The following TSEN2 variants were observed in gnomAD, a reference collection of about 807,000 sequenced individuals.
TSEN2 encodes the protein tRNA-splicing endonuclease subunit Sen2.
Under a neutral mutation model 59.2 loss-of-function variants are expected in TSEN2, and 54 were observed. That is an observed-to-expected ratio of 0.91 (90% CI 0.73 to 1.14). The LOEUF (loss-of-function observed/expected upper bound fraction) is 1.14. Among genes scored for constraint, TSEN2 ranks in the 50% most tolerant of loss-of-function variants. The probability of loss-of-function intolerance (pLI) is 0.00; values close to 1 mark genes in which losing one functional copy is unlikely to be tolerated. For synonymous variants in TSEN2, 195 were observed against 198.2 expected (o/e 0.98, Z 0.14); for missense variants, 636 against 576.2 (o/e 1.10, Z -1.06).
chr3:12,513,257 A>G (rs1030436769), intron 6 of TSEN2, among the ~76,000 whole-genome samples: 1 of 152,222 alleles, frequency 6.6e-6, no homozygotes, highest in Admixed American at 6.5e-5. Context: ...GCAGATATCA[A>G]GAAAGAATCT....
At position 12,503,640 on chromosome 3, in the gene TSEN2, C is replaced by T. The variant is rs746035594; in HGVS notation, c.687C>T (p.Ile229=). 15 of 1,598,812 alleles carry T rather than the reference C, an allele frequency of 9.4e-6. No individual in the cohort carries two copies. Among genetic ancestry groups the T allele is most frequent in the African/African-American group, 4.0e-5 (3 of 74,558 alleles). Residue 229 remains isoleucine, a synonymous_variant, in exon 5 of 12, where the codon ATC becomes ATT. Transcript: ENST00000284995. ...HVCCCKQDAL[I]LQRGLHHEDG... Reference sequence around the variant, plus strand: ...GTTGCTGCAAACAAGATGCTCTCATCCTCCAGCGTGGCCTTCATCATGAAG... The same window carrying T: ...GTTGCTGCAAACAAGATGCTCTCATTCTCCAGCGTGGCCTTCATCATGAAG...
chr3:12,505,363 C>T (rs2054701120), intron 6 of TSEN2, 132 bp downstream of exon 6: 5 of 699,874 alleles, frequency 7.1e-6, no homozygotes, highest in Admixed American at 4.2e-5. Flanking sequence ...ATTGAAATCA[C>T]TATGGGTAGC....
At chr3:12,518,434 G>C (rs1261673771) in intron 7 of TSEN2, among the ~76,000 whole-genome samples, 1 of 152,108 alleles carries the variant, frequency 6.6e-6, no homozygotes, top group Non-Finnish European at 1.5e-5. Flanking sequence ...CCTCTGCCTG[G>C]AATGTCCTTC....
chr3:12,483,130 C>T (rs563513008), upstream of TSEN2, among the ~76,000 whole-genome samples: 1 of 152,292 alleles, frequency 6.6e-6, no homozygotes, highest in Non-Finnish European at 1.5e-5. Flanking sequence ...AATCCCAGCA[C>T]TTTGGGAGGC....
chr3:12,504,458 C>T (rs1165433402), intron 5 of TSEN2, among the ~76,000 whole-genome samples: 2 of 151,908 alleles, frequency 1.3e-5, no homozygotes, highest in African/African-American at 2.4e-5. Flanking sequence ...TGGTACATGC[C>T]AGTAGTCCCA....
chr3:12,527,357 A>T (rs1158791052), intron 8 of TSEN2, among the ~76,000 whole-genome samples: 1 of 152,330 alleles, frequency 6.6e-6, no homozygotes, highest in East Asian at 1.9e-4. Flanking sequence ...GCCAAAAAGA[A>T]ACATGATTAG....
chr3:12,527,456 CTTT>C (rs757613935), intron 8 of TSEN2, among the ~76,000 whole-genome samples: 1 of 132,088 alleles, frequency 7.6e-6, no homozygotes, highest in Non-Finnish European at 1.6e-5. Context: ...TTTTTTTTTT[CTTT>C]TTTTTTTTTT....
chr3:12,504,093 T>A (rs1453391333), intron 5 of TSEN2, among the ~76,000 whole-genome samples: 1 of 152,150 alleles, frequency 6.6e-6, no homozygotes, highest in Admixed American at 6.5e-5. Flanking sequence ...GGCTCACGTG[T>A]GGAAGTCAGC....
chr3:12,524,297 T>C (rs796169), intron 8 of TSEN2, among the ~76,000 whole-genome samples: 83,564 of 152,066 alleles, frequency 0.55, 24,803 homozygotes, highest in African/African-American at 0.77. Context: ...TCCTAGGGCT[T>C]ATAAGAAATT....
At chr3:12,536,509 CTT>C (rs1348523660), downstream of TSEN2, among the ~76,000 whole-genome samples, 1 of 152,070 alleles carries the variant, frequency 6.6e-6, no homozygotes, top group Non-Finnish European at 1.5e-5. Context: ...TGGGAAGAAA[CTT>C]GGGATTTCAT....
chr3:12,508,175 C>G (rs1178318548), intron 6 of TSEN2, among the ~76,000 whole-genome samples: 1 of 152,164 alleles, frequency 6.6e-6, no homozygotes, highest in Non-Finnish European at 1.5e-5. Context: ...GCTGGGAGTT[C>G]AGCTGCACTG....
intron 8 of TSEN2, among the ~76,000 whole-genome samples, chr3:12,527,891 T>A (rs886414387): frequency 2.0e-5 from 3 of 152,142 alleles, no homozygotes; most frequent in Non-Finnish European, 4.4e-5. Flanking sequence ...GGTGAACAGT[T>A]AGCCAGTCCC....
At chr3:12,495,787 G>A (rs1171116338) in intron 3 of TSEN2, among the ~76,000 whole-genome samples, 1 of 152,274 alleles carries the variant, frequency 6.6e-6, no homozygotes, top group East Asian at 1.9e-4. Context: ...GAAGTAATTA[G>A]CCCAAAGGCA....
chr3:12,485,442 CAG>C (rs1182522465), intron 1 of TSEN2, among the ~76,000 whole-genome samples: 1 of 152,108 alleles, frequency 6.6e-6, no homozygotes, highest in East Asian at 1.9e-4. Context: ...AAAGATTTCT[CAG>C]GGGTGCGCCC....
intron 6 of TSEN2, among the ~76,000 whole-genome samples, chr3:12,512,724 CA>C (rs1266030868): frequency 6.6e-6 from 1 of 152,246 alleles, no homozygotes. Context: ...TGCTTTTAGC[CA>C]GTGACATTTT....
At chr3:12,531,293 T>C (rs2057443057) in intron 10 of TSEN2, 4 of 388,804 alleles carry the variant, frequency 1.0e-5, no homozygotes, top group Non-Finnish European at 1.9e-5. Context: ...CAAGGACATT[T>C]GAGGACTTAC....
At chr3:12,503,191 T>G in intron 4 of TSEN2, 71 bp from the exon 5 acceptor site, 2 of 1,578,690 alleles carry the variant, frequency 1.3e-6, no homozygotes, top group Non-Finnish European at 1.7e-6. Context: ...TTCCAGTCTG[T>G]TTTATGTGCT....
chr3:12,530,510 G>T, intron 10 of TSEN2: 1 of 985,488 alleles, frequency 1.0e-6, no homozygotes. Context: ...TATCAAGAAA[G>T]AAAGCTGTGT....
Position 12,510,717 on chromosome 3 carries a change from C to CT in TSEN2, c.909+5487dup, listed in dbSNP as rs201366046. Among the ~76,000 whole-genome samples, 704 of 152,242 alleles carry CT rather than the reference C, an allele frequency of 4.6e-3. 12 individuals carry two copies. The highest frequency in any genetic ancestry group is 0.032 in the East Asian group (167 of 5,182). On this transcript the variant is annotated intron_variant, in intron 6 of 11. Transcript: ENST00000284995. ...TATCAGAATCTGGTGATTAGAATGT[C>CT]TAAGATTCTTCCCTAGAATTTTGTG... is the stretch of plus-strand genomic sequence containing the variant.
Sources: allele counts gnomAD v4.1 joint callset (sites outside exome capture counted in the v4.1 genomes callset), GRCh38; gene constraint gnomAD v4.1.1; transcripts MANE v1.5; gene names NCBI Gene and HGNC (gene_info 2026-07-23, HGNC 2026-07-21).